Variants in KCNMA1 observed in about 807,000 individuals in gnomAD.
KCNMA1 encodes Calcium-activated potassium channel subunit alpha-1.
A neutral mutation model predicts 140.0 loss-of-function variants in KCNMA1; 29 were observed. That is an observed-to-expected ratio of 0.21 (90% CI 0.15 to 0.28). The LOEUF is 0.28. Among genes scored for constraint, KCNMA1 ranks in the 10% least tolerant of loss-of-function variants. The probability of loss-of-function intolerance (pLI) is 1.00; values close to 1 mark genes in which losing one functional copy is unlikely to be tolerated. For missense variants in KCNMA1, 880 were observed against 1,602.2 expected, an observed-to-expected ratio of 0.55 and a Z score of 7.70; for synonymous variants, 612 against 611.9, an observed-to-expected ratio of 1.00 and a Z score of 0.00.
chr10:77,529,008 A>G (rs1225457354), intron 1 of KCNMA1, among the ~76,000 whole-genome samples: 1 of 152,198 alleles, frequency 6.6e-6, no homozygotes. Flanking sequence ...GGAAGTAAGT[A>G]GCACAGATGG....
chr10:77,398,082 T>TA (rs1555286946), intron 2 of KCNMA1, among the ~76,000 whole-genome samples: 18 of 122,668 alleles, frequency 1.5e-4, no homozygotes, highest in Non-Finnish European at 2.7e-4. Context: ...GTGTGTGTAT[T>TA]TTTTTTTTCT....
Position 77,564,344 on chromosome 10 carries a change from G to A in KCNMA1, c.378+72921C>T, listed in dbSNP as rs556850393. On this transcript the variant is annotated intron_variant, in intron 1 of 27. Transcript: ENST00000286628. ...CACGAGCACTTTGGGAGGCCGAGGC[G>A]GACAGATCACTTGAGGTCAGGAGTT... Among the ~76,000 whole-genome samples the A allele has an allele frequency of 9.9e-4, 151 of 152,226 alleles. 1 individual carries two copies. Among genetic ancestry groups the A allele is most frequent in the Non-Finnish European group, 1.8e-3 (121 of 68,002 alleles).
At chr10:77,316,317 A>C (rs1014972717) in intron 2 of KCNMA1, among the ~76,000 whole-genome samples, 3 of 152,208 alleles carry the variant, frequency 2.0e-5, no homozygotes, top group Non-Finnish European at 4.4e-5. Context: ...GGCCACCTGA[A>C]AATGGGCTGC....
intron 2 of KCNMA1, among the ~76,000 whole-genome samples, chr10:77,292,426 T>C (rs2073576295): frequency 1.3e-5 from 2 of 152,202 alleles, no homozygotes; most frequent in Non-Finnish European, 2.9e-5. Flanking sequence ...CCCCACCTAT[T>C]GCCTGCTCTA....
chr10:77,190,716 T>C (rs1406680714), intron 3 of KCNMA1, among the ~76,000 whole-genome samples: 1 of 152,186 alleles, frequency 6.6e-6, no homozygotes, highest in Non-Finnish European at 1.5e-5. Flanking sequence ...CTGTAGAGAC[T>C]GTCATGTGGG....
intron 1 of KCNMA1, among the ~76,000 whole-genome samples, chr10:77,508,469 G>A (rs1322202233): frequency 6.6e-6 from 1 of 151,490 alleles, no homozygotes; most frequent in Non-Finnish European, 1.5e-5. Flanking sequence ...AGAGGCGCGA[G>A]TCCCCCCACT....
At chr10:77,144,405 T>G (rs7916611) in intron 5 of KCNMA1, among the ~76,000 whole-genome samples, 26,255 of 152,102 alleles carry the variant, frequency 0.17, 2,371 homozygotes, top group Middle Eastern at 0.24. Context: ...AGATAGTGAT[T>G]TTTTTATGTT....
chr10:76,885,391 G>A lies in KCNMA1; in HGVS notation c.*1875C>T, dbSNP rs748757988. 6.1e-6 allele frequency: 6 copies of A among 984,702 alleles called. No individual in the cohort carries two copies. Among genetic ancestry groups the A allele is most frequent in the Non-Finnish European group, 7.2e-6 (6 of 829,556 alleles). The allele number at this position is 984,702 out of a possible 1,614,324, so 61.0% of individuals were successfully genotyped here. ...TACAATTATTCCCCACCACAATACT[G>A]GTTTGAATACTACGCTGCCCCTGTC... On this transcript the variant is annotated 3_prime_UTR_variant, in exon 28 of 28. Transcript: ENST00000286628.
At chr10:77,454,787 T>C (rs1321878601) in intron 1 of KCNMA1, among the ~76,000 whole-genome samples, 6 of 152,204 alleles carry the variant, frequency 3.9e-5, no homozygotes, top group Non-Finnish European at 7.3e-5. Flanking sequence ...CTATATTCTC[T>C]CTTAAGGTCT....
At chr10:77,089,323 G>A (rs557913377) in intron 10 of KCNMA1, among the ~76,000 whole-genome samples, 4 of 152,264 alleles carry the variant, frequency 2.6e-5, no homozygotes, top group East Asian at 3.9e-4. Context: ...TCAACAGCAC[G>A]TCAAGCCAGC....
intron 2 of KCNMA1, among the ~76,000 whole-genome samples, chr10:77,365,463 T>C (rs564077442): frequency 3.9e-5 from 6 of 152,050 alleles, no homozygotes; most frequent in African/African-American, 1.4e-4. Flanking sequence ...TCCTAGAGAG[T>C]CTCTCAATCA....
chr10:77,473,868 T>C (rs2098220992), intron 1 of KCNMA1, among the ~76,000 whole-genome samples: 1 of 152,196 alleles, frequency 6.6e-6, no homozygotes, highest in African/African-American at 2.4e-5. Flanking sequence ...ATAAGTCTCT[T>C]TGAGGGCCAG....
chr10:77,110,805 G>T (rs2097302292), intron 7 of KCNMA1, among the ~76,000 whole-genome samples: 1 of 152,196 alleles, frequency 6.6e-6, no homozygotes, highest in South Asian at 2.1e-4. Context: ...GTAGGGGGCT[G>T]CCTCCTTCCA....
At chr10:76,895,037 G>A (rs111341674) in intron 25 of KCNMA1, among the ~76,000 whole-genome samples, 1,903 of 152,296 alleles carry the variant, frequency 0.012, 43 homozygotes, top group African/African-American at 0.042. Flanking sequence ...AGACTGACCC[G>A]CACTTAATCG....
intron 25 of KCNMA1, among the ~76,000 whole-genome samples, chr10:76,898,173 C>T (rs769792383): frequency 3.3e-5 from 5 of 151,214 alleles, no homozygotes; most frequent in African/African-American, 4.9e-5. Context: ...TGTTCAAATG[C>T]CAAAATCAAA....
At chr10:76,914,909 C>G (rs772178414) in intron 24 of KCNMA1, 27 bp downstream of exon 24, 2 of 1,491,732 alleles carry the variant, frequency 1.3e-6, no homozygotes, top group South Asian at 1.1e-5. Flanking sequence ...AACAAAAACT[C>G]CCCCCAAAGC....
chr10:77,262,795 G>A (rs2062379130), intron 2 of KCNMA1, among the ~76,000 whole-genome samples: 1 of 152,042 alleles, frequency 6.6e-6, no homozygotes, highest in African/African-American at 2.4e-5. Context: ...CCAAGCAGAA[G>A]TGGGTGCCAT....
At chr10:77,333,426 GAAGAA>G (rs1057266909) in intron 2 of KCNMA1, among the ~76,000 whole-genome samples, 5 of 146,872 alleles carry the variant, frequency 3.4e-5, no homozygotes, top group Non-Finnish European at 6.0e-5. Flanking sequence ...AAAAGAAAGA[GAAGAA>G]AAGAAAAGAG....
At chr10:77,492,629 A>G (rs1201564230) in intron 1 of KCNMA1, among the ~76,000 whole-genome samples, 2 of 152,262 alleles carry the variant, frequency 1.3e-5, no homozygotes, top group African/African-American at 4.8e-5. Flanking sequence ...CTACAGATGC[A>G]AGAGCCTCAC....
Sources: allele counts gnomAD v4.1 joint callset (sites outside exome capture counted in the v4.1 genomes callset), GRCh38; gene constraint gnomAD v4.1.1; transcripts MANE v1.5; gene names NCBI Gene and HGNC (gene_info 2026-07-23, HGNC 2026-07-21).